The following PHEX variants were observed in gnomAD, a reference collection of about 807,000 sequenced individuals.
PHEX encodes phosphate-regulating neutral endopeptidase PHEX.
In PHEX, 16 loss-of-function variants were observed where a neutral mutation model predicts 68.0. The ratio of observed to expected loss-of-function variants is 0.24; its 90% CI spans 0.16 to 0.36. The LOEUF is 0.36. PHEX is among the 10% of genes least tolerant of loss of function. PHEX has a pLI of 1.00. For missense variants in PHEX, 480 were observed against 575.5 expected, an observed-to-expected ratio of 0.83 and a Z score of 1.70; for synonymous variants, 208 against 205.1, an observed-to-expected ratio of 1.01 and a Z score of -0.12.
chrX:22,041,265 CTATA>C (rs556410356), intron 2 of PHEX, among the ~76,000 whole-genome samples: 1,458 of 72,728 alleles, frequency 0.02, 33 homozygotes, highest in African/African-American at 0.06. Flanking sequence ...CTCTCTCTCT[CTATA>C]TATATATATA....
At chrX:22,106,843 T>G (rs192588352) in intron 9 of PHEX, among the ~76,000 whole-genome samples, 2 of 107,861 alleles carry the variant, frequency 1.9e-5, no homozygotes, top group Admixed American at 2.0e-4. Flanking sequence ...GGGAAAAGCA[T>G]GCAGGCTTTA....
chrX:22,081,015 G>T (rs186178755), intron 5 of PHEX, among the ~76,000 whole-genome samples: 8 of 112,003 alleles, frequency 7.1e-5, no homozygotes, highest in African/African-American at 2.3e-4. Flanking sequence ...ACCATTTGGA[G>T]AATGTTTTTC....
intron 18 of PHEX, among the ~76,000 whole-genome samples, chrX:22,222,164 C>T (rs1935290120): frequency 8.9e-6 from 1 of 111,759 alleles, no homozygotes; most frequent in African/African-American, 3.3e-5. Flanking sequence ...AGTCTGTATC[C>T]TTGAATGGTG....
chrX:22,204,546 G>T lies in PHEX; in HGVS notation c.1646-8358G>T, dbSNP rs146621474. On this transcript the variant is annotated intron_variant, in intron 15 of 21. Coordinates refer to ENST00000379374, the MANE Select transcript of PHEX (RefSeq NM_000444.6). Reference sequence around the variant, plus strand: ...CCTCACTAGATTGTAGGTTCTCTGAGGACATTTGTTTGTTCGAAGGTTGCC... The same window carrying T: ...CCTCACTAGATTGTAGGTTCTCTGATGACATTTGTTTGTTCGAAGGTTGCC... 7.7e-3 allele frequency among the ~76,000 whole-genome samples: 860 copies of T among 111,872 alleles called. 8 individuals carry two copies. The highest frequency in any genetic ancestry group is 0.026 in the African/African-American group (787 of 30,820).
chrX:22,102,258 TTCTCTA>T (rs766635007), intron 9 of PHEX, among the ~76,000 whole-genome samples: 48 of 111,172 alleles, frequency 4.3e-4, no homozygotes, highest in African/African-American at 1.5e-3. Context: ...CACCCTTCTA[TTCTCTA>T]TCTCTATGAA....
chrX:22,104,257 TGGG>T (rs1253748308), intron 9 of PHEX, among the ~76,000 whole-genome samples: 2 of 111,441 alleles, frequency 1.8e-5, no homozygotes, highest in African/African-American at 6.5e-5. Context: ...TGAGTGGCTG[TGGG>T]GACAGTGGCA....
At chrX:22,229,208 G>A (rs1475395000) in intron 20 of PHEX, among the ~76,000 whole-genome samples, 1 of 111,755 alleles carries the variant, frequency 8.9e-6, no homozygotes, top group East Asian at 2.8e-4. Flanking sequence ...AGTGTGCATG[G>A]CATCTTTCTT....
At chrX:22,162,681 G>C (rs945158271) in intron 12 of PHEX, 5 of 112,184 alleles carry the variant, frequency 4.5e-5, no homozygotes, top group Non-Finnish European at 9.4e-5. Flanking sequence ...TGATGTAAAG[G>C]AGAGTGTGTT....
chrX:22,166,269 C>T (rs899963457), intron 12 of PHEX, among the ~76,000 whole-genome samples: 1 of 111,569 alleles, frequency 9.0e-6, no homozygotes. Flanking sequence ...TCCTTTTATT[C>T]CCATGCTAAA....
At position 22,132,222 on chromosome X, in the gene PHEX, C is replaced by T. The variant is rs1274250531; in HGVS notation, c.1303-1301C>T. On this transcript the variant is annotated intron_variant, in intron 11 of 21. Transcript: ENST00000379374. ...TCAAGTGATCTTCCTGCCTCAGCCT[C>T]CTGAGTACCTAGGACTACAGGTGCA... Among the ~76,000 whole-genome samples, 3 of 111,584 alleles carry T rather than the reference C, an allele frequency of 2.7e-5. No individual in the cohort carries two copies. The East Asian group carries it at 8.4e-4, about 31-fold the overall frequency.
intron 3 of PHEX, among the ~76,000 whole-genome samples, chrX:22,065,100 A>G (rs1272312680): frequency 8.9e-6 from 1 of 112,663 alleles, no homozygotes; most frequent in Non-Finnish European, 1.9e-5. Flanking sequence ...ATAGCTTGTC[A>G]CAAAGAAGAT....
chrX:22,034,675 C>A (rs1185941055), intron 1 of PHEX, among the ~76,000 whole-genome samples: 1 of 111,921 alleles, frequency 8.9e-6, no homozygotes, highest in Non-Finnish European at 1.9e-5. Flanking sequence ...TAAGGGCAAA[C>A]TGAGGCTGTG....
Position 22,228,716 on chromosome X carries a change from ATACTT to A in PHEX, c.2070+1118_2070+1122del, listed in dbSNP as rs376716075. On this transcript the variant is annotated intron_variant, in intron 20 of 21. Coordinates refer to ENST00000379374, the MANE Select transcript of PHEX (RefSeq NM_000444.6). ...ATGTATTCCAGAAGCCAGATGTTTCATACTTTACTTTACTTTAAAAAAAAATTATA... is the reference window on the plus strand; with the variant it reads ...ATGTATTCCAGAAGCCAGATGTTTCATACTTTACTTTAAAAAAAAATTATA... Among the ~76,000 whole-genome samples, 202 of 107,110 alleles carry A rather than the reference ATACTT, an allele frequency of 1.9e-3. 2 individuals carry two copies. The highest frequency in any genetic ancestry group is 6.1e-3 in the African/African-American group (181 of 29,530). The allele number at this position is 107,110 out of a possible 115,157, so 93.0% of individuals were successfully genotyped here.
At chrX:22,105,591 C>G (rs1930647182) in intron 9 of PHEX, among the ~76,000 whole-genome samples, 1 of 111,782 alleles carries the variant, frequency 8.9e-6, no homozygotes, top group Non-Finnish European at 1.9e-5. Context: ...CTCTGTGGCT[C>G]ACTTCAGATA....
intron 5 of PHEX, 150 bp downstream of exon 5, chrX:22,077,852 C>T (rs899528648): frequency 1.2e-5 from 6 of 494,727 alleles, no homozygotes; most frequent in African/African-American, 7.0e-5. Flanking sequence ...TCCCTTCTCC[C>T]GGCTTTGCAG....
intron 15 of PHEX, among the ~76,000 whole-genome samples, chrX:22,207,695 ATT>A (rs1025349620): frequency 9.0e-6 from 1 of 111,523 alleles, no homozygotes; most frequent in Non-Finnish European, 1.9e-5. Flanking sequence ...TTTACCTGAC[ATT>A]GTCACCGTTA....
intron 12 of PHEX, among the ~76,000 whole-genome samples, chrX:22,148,431 T>G (rs1213947145): frequency 8.9e-6 from 1 of 112,066 alleles, no homozygotes; most frequent in East Asian, 2.8e-4. Flanking sequence ...TATAGAAAGA[T>G]TCAATCAAAC....
intron 5 of PHEX, among the ~76,000 whole-genome samples, chrX:22,079,513 A>G (rs1393426893): frequency 1.8e-5 from 2 of 111,532 alleles, no homozygotes; most frequent in Non-Finnish European, 3.8e-5. Flanking sequence ...GACTATTATC[A>G]CAACCAAAAA....
At chrX:22,041,855 C>G (rs964841744) in intron 2 of PHEX, among the ~76,000 whole-genome samples, 1 of 111,741 alleles carries the variant, frequency 8.9e-6, no homozygotes, top group African/African-American at 3.3e-5. Context: ...AAGACTAAAA[C>G]TTACAGACTG....
Sources: allele counts gnomAD v4.1 joint callset (sites outside exome capture counted in the v4.1 genomes callset), GRCh38; gene constraint gnomAD v4.1.1; transcripts MANE v1.5; gene names NCBI Gene and HGNC (gene_info 2026-07-23, HGNC 2026-07-21).